Variants in AGBL1 observed in about 807,000 individuals in gnomAD.
AGBL1 encodes the protein cytosolic carboxypeptidase 4.
AGBL1 carries 130 observed loss-of-function variants against 118.9 expected under a neutral mutation model. The observed-to-expected ratio is 1.09, with a 90% CI of 0.95 to 1.26. AGBL1 has a LOEUF of 1.26. Among genes scored for constraint, AGBL1 ranks in the 50% most tolerant of loss-of-function variants. The probability of loss-of-function intolerance (pLI) is 0.00; values close to 1 mark genes in which losing one functional copy is unlikely to be tolerated. For missense variants in AGBL1, 1,584 were observed against 1,298.1 expected (o/e 1.22, Z -3.38); for synonymous variants, 555 against 478.9 (o/e 1.16, Z -2.08).
At chr15:86,356,393 T>C (rs2080720985) in intron 17 of AGBL1, among the ~76,000 whole-genome samples, 1 of 151,840 alleles carries the variant, frequency 6.6e-6, no homozygotes, top group Non-Finnish European at 1.5e-5. Context: ...TGTCAGAGAA[T>C]AGGGAAAATG....
At chr15:86,741,613 G>A (rs2077681408) in intron 22 of AGBL1, among the ~76,000 whole-genome samples, 3 of 151,780 alleles carry the variant, frequency 2.0e-5, no homozygotes, top group African/African-American at 7.3e-5. Flanking sequence ...TTTAGATCAG[G>A]AGGCAATCAA....
At chr15:86,258,910 T>C (rs2078939716) in intron 9 of AGBL1, among the ~76,000 whole-genome samples, 1 of 152,184 alleles carries the variant, frequency 6.6e-6, no homozygotes, top group African/African-American at 2.4e-5. Context: ...TTTCACCGTA[T>C]TGGCCAGGCT....
intron 22 of AGBL1, among the ~76,000 whole-genome samples, chr15:86,771,782 T>A (rs1040864959): frequency 6.6e-6 from 1 of 152,026 alleles, no homozygotes; most frequent in Non-Finnish European, 1.5e-5. Flanking sequence ...GAAAGGTACA[T>A]GAAACAAAGG....
At chr15:86,577,800 G>A (rs926026015) in intron 21 of AGBL1, among the ~76,000 whole-genome samples, 6 of 151,348 alleles carry the variant, frequency 4.0e-5, no homozygotes, top group Admixed American at 2.6e-4. Flanking sequence ...CAGCTTCCAC[G>A]TGGTGTTGAG....
chr15:86,437,361 G>T (rs959878944), intron 18 of AGBL1, among the ~76,000 whole-genome samples: 4 of 152,112 alleles, frequency 2.6e-5, no homozygotes. Context: ...AAGAGAAAGC[G>T]CTTAAATAAG....
chr15:86,548,913 C>T (rs962063865), intron 20 of AGBL1, among the ~76,000 whole-genome samples: 1 of 151,928 alleles, frequency 6.6e-6, no homozygotes, highest in African/African-American at 2.4e-5. Context: ...AGCTTCCAAT[C>T]GTGGTAGAAG....
intron 17 of AGBL1, chr15:86,316,613 A>AAATAATGC (rs1174734833): frequency 6.6e-6 from 1 of 152,254 alleles, no homozygotes; most frequent in East Asian, 1.9e-4. Flanking sequence ...CAGGCCACCG[A>AAATAATGC]AATAATGCTC....
intron 6 of AGBL1, among the ~76,000 whole-genome samples, chr15:86,227,240 C>T (rs1456627638): frequency 1.3e-5 from 2 of 152,238 alleles, no homozygotes; most frequent in Non-Finnish European, 2.9e-5. Context: ...CTGTCCTCCA[C>T]ATATAAAACG....
intron 10 of AGBL1, 52 bp downstream of exon 10, chr15:86,262,946 G>A (rs1394593683): frequency 7.1e-7 from 1 of 1,417,324 alleles, no homozygotes; most frequent in African/African-American, 1.4e-5. Context: ...TGGGTTCTTT[G>A]CAGATCCTGG....
At chr15:86,838,941 TAAAAAAAAAAAAAAAA>T (rs386383698) in intron 22 of AGBL1, among the ~76,000 whole-genome samples, 2 of 48,006 alleles carry the variant, frequency 4.2e-5, no homozygotes, top group Non-Finnish European at 6.8e-5. Flanking sequence ...TGAGATCCTG[TAAAAAAAAAAAAAAAA>T]AAAAAAAAAG....
intron 1 of AGBL1, among the ~76,000 whole-genome samples, chr15:86,103,973 G>T (rs1303157561): frequency 1.3e-5 from 2 of 152,180 alleles, no homozygotes; most frequent in East Asian, 3.9e-4. Context: ...TAGCTCCCAA[G>T]TGGCCTGTGC....
chr15:86,121,791 G>A (rs1442105180), intron 1 of AGBL1, among the ~76,000 whole-genome samples: 12 of 152,146 alleles, frequency 7.9e-5, no homozygotes, highest in Admixed American at 3.3e-4. Flanking sequence ...ACACTCTTAG[G>A]TTTACTTAGG....
chr15:86,849,369 C>T (rs2079368214), intron 22 of AGBL1, among the ~76,000 whole-genome samples: 1 of 152,130 alleles, frequency 6.6e-6, no homozygotes, highest in Non-Finnish European at 1.5e-5. Flanking sequence ...TAGTAAGTAG[C>T]CATTCCTTCT....
At chr15:86,888,256 C>T (rs2079999853) in intron 22 of AGBL1, among the ~76,000 whole-genome samples, 1 of 151,774 alleles carries the variant, frequency 6.6e-6, no homozygotes, top group South Asian at 2.1e-4. Flanking sequence ...CTGATTGTAT[C>T]AGAAGTGACC....
intron 22 of AGBL1, among the ~76,000 whole-genome samples, chr15:86,891,260 C>A (rs2080048367): frequency 6.6e-6 from 1 of 152,030 alleles, no homozygotes; most frequent in Non-Finnish European, 1.5e-5. Flanking sequence ...GCTGAAATTT[C>A]TTATCAGCTT....
At chr15:86,463,095 C>T (rs1439931402) in intron 18 of AGBL1, among the ~76,000 whole-genome samples, 1 of 152,198 alleles carries the variant, frequency 6.6e-6, no homozygotes, top group East Asian at 1.9e-4. Flanking sequence ...TCCTCTCCAG[C>T]ACCTGTTGTT....
At chr15:86,699,481 T>C (rs2086319645) in intron 22 of AGBL1, among the ~76,000 whole-genome samples, 2 of 152,088 alleles carry the variant, frequency 1.3e-5, no homozygotes, top group African/African-American at 2.4e-5. Flanking sequence ...ATAATAAGAT[T>C]CATTTCGTTT....
intron 22 of AGBL1, among the ~76,000 whole-genome samples, chr15:86,722,350 C>T (rs1397832092): frequency 6.6e-6 from 1 of 152,106 alleles, no homozygotes; most frequent in Non-Finnish European, 1.5e-5. Flanking sequence ...AGAAATAATG[C>T]CGCATATCTA....
chr15:86,639,697 G>A (rs1407112685), intron 21 of AGBL1, among the ~76,000 whole-genome samples: 1 of 152,184 alleles, frequency 6.6e-6, no homozygotes, highest in African/African-American at 2.4e-5. Flanking sequence ...AAGTCTGGCT[G>A]CAGCACAGAA....
Sources: allele counts gnomAD v4.1 joint callset (sites outside exome capture counted in the v4.1 genomes callset), GRCh38; gene constraint gnomAD v4.1.1; transcripts MANE v1.5; gene names NCBI Gene and HGNC (gene_info 2026-07-23, HGNC 2026-07-21).